Variants in MAPK10 observed in about 807,000 individuals in gnomAD.
The protein encoded by MAPK10 is mitogen-activated protein kinase 10, also known as JNK3 alpha protein kinase.
In MAPK10, 25 loss-of-function variants were observed where a neutral mutation model predicts 59.3. That is an observed-to-expected ratio of 0.42 (90% CI 0.31 to 0.59). MAPK10 has a LOEUF of 0.59. Among genes scored for constraint, MAPK10 ranks in the 20% least tolerant of loss-of-function variants. MAPK10 has a pLI of 0.15. For missense variants in MAPK10, 351 were observed against 568.9 expected (o/e 0.62, Z 3.90); for synonymous variants, 190 against 200.5 (o/e 0.95, Z 0.44).
chr4:86,366,317 A>G (rs1352089525), intron 1 of MAPK10, among the ~76,000 whole-genome samples: 1 of 152,202 alleles, frequency 6.6e-6, no homozygotes, highest in Non-Finnish European at 1.5e-5. Flanking sequence ...ACATCTTGAT[A>G]GAGATGTGAG....
At chr4:86,030,116 C>T (rs557533653) in intron 12 of MAPK10, among the ~76,000 whole-genome samples, 3 of 152,170 alleles carry the variant, frequency 2.0e-5, no homozygotes, top group African/African-American at 7.2e-5. Flanking sequence ...TGGTTATATC[C>T]TATCACCCAC....
At chr4:86,179,399 A>T (rs531739370) in intron 3 of MAPK10, among the ~76,000 whole-genome samples, 39 of 152,262 alleles carry the variant, frequency 2.6e-4, no homozygotes, top group Middle Eastern at 6.8e-3. Context: ...ATGGATCAGA[A>T]GAATTAATAT....
At chr4:86,372,257 G>A (rs779247680) in intron 1 of MAPK10, among the ~76,000 whole-genome samples, 7 of 152,084 alleles carry the variant, frequency 4.6e-5, no homozygotes, top group Admixed American at 2.0e-4. Flanking sequence ...AGTGGCTCAC[G>A]CCAGTAATCC....
intron 1 of MAPK10, among the ~76,000 whole-genome samples, chr4:86,507,871 A>G (rs961817573): frequency 2.7e-5 from 4 of 149,858 alleles, no homozygotes; most frequent in Non-Finnish European, 4.4e-5. Context: ...ATCACCAAAG[A>G]CTCTGAAAAA....
intron 5 of MAPK10, 198 bp downstream of exon 5, chr4:86,107,025 A>G: frequency 2.6e-6 from 1 of 381,166 alleles, no homozygotes; most frequent in Non-Finnish European, 4.7e-6. Context: ...TCCACATCAT[A>G]TGGTTTTTAG....
chr4:86,331,678 CCAA>C (rs1168507855), intron 2 of MAPK10, among the ~76,000 whole-genome samples: 1 of 152,140 alleles, frequency 6.6e-6, no homozygotes, highest in Non-Finnish European at 1.5e-5. Context: ...TGTTTTTCAT[CCAA>C]CAAAGAATAT....
intron 1 of MAPK10, among the ~76,000 whole-genome samples, chr4:86,566,368 A>T (rs1041510516): frequency 1.3e-5 from 2 of 152,192 alleles, no homozygotes; most frequent in African/African-American, 4.8e-5. Flanking sequence ...ACAAAAAAAT[A>T]TGAGTTCTTT....
chr4:86,189,529 T>G (rs2079134732), intron 3 of MAPK10, among the ~76,000 whole-genome samples: 1 of 152,196 alleles, frequency 6.6e-6, no homozygotes, highest in South Asian at 2.1e-4. Context: ...GGGAGTTCAC[T>G]CATGATTTGG....
chr4:86,255,531 G>T (rs747017156), intron 2 of MAPK10, among the ~76,000 whole-genome samples: 9 of 152,188 alleles, frequency 5.9e-5, no homozygotes, highest in Non-Finnish European at 1.2e-4. Flanking sequence ...CGTAAGCAGT[G>T]CTAGGCTGGG....
At chr4:86,567,800 AT>A (rs1761164509) in intron 1 of MAPK10, among the ~76,000 whole-genome samples, 3 of 152,220 alleles carry the variant, frequency 2.0e-5, no homozygotes, top group Non-Finnish European at 2.9e-5. Context: ...AAAGTGATTT[AT>A]TTTTTCTTAG....
At chr4:86,237,167 A>T (rs2092318703) in intron 2 of MAPK10, among the ~76,000 whole-genome samples, 1 of 152,172 alleles carries the variant, frequency 6.6e-6, no homozygotes, top group African/African-American at 2.4e-5. Context: ...AGCTTCATCC[A>T]TGTCCCTGCA....
chr4:86,235,833 G>A (rs115049771), intron 2 of MAPK10, among the ~76,000 whole-genome samples: 1 of 152,180 alleles, frequency 6.6e-6, no homozygotes. Context: ...TTCATGTCTT[G>A]TATTAGTTGT....
intron 2 of MAPK10, among the ~76,000 whole-genome samples, chr4:86,278,849 T>G (rs1173379722): frequency 6.6e-6 from 1 of 152,070 alleles, no homozygotes; most frequent in African/African-American, 2.4e-5. Context: ...GAACAAATGT[T>G]AAAAGTCACA....
intron 2 of MAPK10, among the ~76,000 whole-genome samples, chr4:86,297,127 A>T (rs2095380064): frequency 6.6e-6 from 1 of 152,204 alleles, no homozygotes; most frequent in African/African-American, 2.4e-5. Flanking sequence ...TCTAAGAACC[A>T]CTGACACTTA....
intron 2 of MAPK10, among the ~76,000 whole-genome samples, chr4:86,304,415 C>CG (rs2095527901): frequency 8.7e-6 from 1 of 114,722 alleles, no homozygotes; most frequent in Non-Finnish European, 1.7e-5. Context: ...TTTTTTGAGA[C>CG]GGAGTCCCGC....
chr4:86,189,526 C>T (rs2079133419), intron 3 of MAPK10, among the ~76,000 whole-genome samples: 1 of 152,054 alleles, frequency 6.6e-6, no homozygotes, highest in Non-Finnish European at 1.5e-5. Flanking sequence ...AATGGGAGTT[C>T]ACTCATGATT....
At chr4:86,474,778 C>T (rs996410541) in intron 1 of MAPK10, among the ~76,000 whole-genome samples, 1 of 152,170 alleles carries the variant, frequency 6.6e-6, no homozygotes, top group South Asian at 2.1e-4. Context: ...AACTGTCAGG[C>T]CTCTGAGCCC....
chr4:86,288,039 GCAAT>G (rs2148815067), intron 2 of MAPK10, among the ~76,000 whole-genome samples: 1 of 152,274 alleles, frequency 6.6e-6, no homozygotes, highest in East Asian at 1.9e-4. Context: ...GAATCAGACT[GCAAT>G]CAGTCTAACT....
At chr4:86,206,558 C>T (rs1417080105) in intron 2 of MAPK10, among the ~76,000 whole-genome samples, 1 of 152,140 alleles carries the variant, frequency 6.6e-6, no homozygotes, top group Non-Finnish European at 1.5e-5. Context: ...TGGGTATATA[C>T]CCAGTAATGG....
Sources: gnomAD v4.1 joint callset for allele counts (sites outside exome capture counted in the v4.1 genomes callset) on GRCh38, gnomAD v4.1.1 for gene constraint, MANE v1.5 for transcripts, NCBI Gene and HGNC (gene_info 2026-07-23, HGNC 2026-07-21) for gene names.